MYLIP: variants seen among roughly 807,000 people sequenced by gnomAD.
The protein encoded by MYLIP is myosin regulatory light chain interacting protein, also known as E3 ubiquitin-protein ligase MYLIP.
A neutral mutation model predicts 45.8 loss-of-function variants in MYLIP; 26 were observed. That is an observed-to-expected ratio of 0.57 (90% CI 0.42 to 0.79). The LOEUF (loss-of-function observed/expected upper bound fraction) is 0.79. Ranked by LOEUF, MYLIP falls within the 30% of genes least tolerant of loss-of-function variation. The pLI, the probability that MYLIP is intolerant of heterozygous loss-of-function variation, is 0.00. For synonymous variants in MYLIP, 213 were observed against 218.1 expected (o/e 0.98, Z 0.21); for missense variants, 494 against 555.6 (o/e 0.89, Z 1.11).
In MYLIP at chr6:16,131,173, C is replaced by A. The variant is rs188511465; in HGVS notation, c.278+426C>A. 1.4e-3 allele frequency among the ~76,000 whole-genome samples: 216 copies of A among 152,268 alleles called. 4 individuals are homozygous for A. In the South Asian group the frequency reaches 0.018, roughly 13 times the overall value. The stretch of plus-strand genomic sequence containing the variant: ...TTCTAACAGAAAGCAGGAAACAGTT[C>A]CTCTTGGGTTACTTAAACTTGGTCA... On this transcript the variant is annotated intron_variant, in intron 2 of 6. Coordinates refer to ENST00000356840, the MANE Select transcript of MYLIP (RefSeq NM_013262.4).
the MYLIP span, among the ~76,000 whole-genome samples, chr6:16,153,820 G>A: frequency 5.9e-5 from 9 of 152,146 alleles, no homozygotes; most frequent in South Asian, 6.2e-4. Context: ...AATGGGACTC[G>A]GGTTACCTGT....
intron 6 of MYLIP, among the ~76,000 whole-genome samples, chr6:16,146,373 G>A (rs796550843): frequency 6.6e-5 from 10 of 152,340 alleles, no homozygotes; most frequent in South Asian, 2.1e-4. Context: ...ACAGAAAGAC[G>A]TCTTCAGTAA....
chr6:16,150,882 C>T (rs1759869678), downstream of MYLIP, among the ~76,000 whole-genome samples: 2 of 152,192 alleles, frequency 1.3e-5, no homozygotes, highest in South Asian at 2.1e-4. Context: ...AGGATGAGCT[C>T]GAATGCAACG....
chr6:16,133,292 T>C (rs1198785577), intron 2 of MYLIP, among the ~76,000 whole-genome samples: 2 of 152,240 alleles, frequency 1.3e-5, no homozygotes, highest in Non-Finnish European at 2.9e-5. Context: ...TTGTGTCCTC[T>C]TTATATTATT....
chr6:16,131,421 C>T (rs1193823743), intron 2 of MYLIP, among the ~76,000 whole-genome samples: 11 of 152,190 alleles, frequency 7.2e-5, no homozygotes, highest in Admixed American at 7.2e-4. Flanking sequence ...TGGTAGACAA[C>T]TGAAGCATGT....
the MYLIP span, among the ~76,000 whole-genome samples, chr6:16,159,440 G>T: frequency 6.6e-6 from 1 of 152,198 alleles, no homozygotes; most frequent in East Asian, 1.9e-4. Context: ...GTGGAACAGG[G>T]CTCAAAAGCT....
chr6:16,142,259 G>A (rs1381550074), intron 3 of MYLIP, among the ~76,000 whole-genome samples: 6 of 152,178 alleles, frequency 3.9e-5, no homozygotes, highest in Admixed American at 3.3e-4. Flanking sequence ...AAATTTGTTA[G>A]CCTTTTATTT....
At chr6:16,135,774 T>G (rs895364892) in intron 2 of MYLIP, among the ~76,000 whole-genome samples, 21 of 146,866 alleles carry the variant, frequency 1.4e-4, no homozygotes, top group Middle Eastern at 3.6e-3. Flanking sequence ...TATATATATA[T>G]ATATGTATGC....
chr6:16,148,453 T>C (rs74641795), downstream of MYLIP, among the ~76,000 whole-genome samples: 2,049 of 152,132 alleles, frequency 0.013, 42 homozygotes, highest in African/African-American at 0.046. Context: ...CTTTTTTTTT[T>C]TTTTTCAAGA....
the MYLIP span, among the ~76,000 whole-genome samples, chr6:16,156,879 A>G: frequency 2.6e-5 from 4 of 152,216 alleles, no homozygotes; most frequent in African/African-American, 9.6e-5. Context: ...CTTCCTGCGT[A>G]TGGACAAGCC....
chr6:16,136,610 G>T (rs1022234570), intron 2 of MYLIP, among the ~76,000 whole-genome samples: 3 of 152,078 alleles, frequency 2.0e-5, no homozygotes, highest in African/African-American at 7.2e-5. Flanking sequence ...TGGAATAGCT[G>T]GGTCATGGAG....
Position 16,130,695 on chromosome 6 carries a change from C to T in MYLIP, c.226C>T (p.Leu76Phe), listed in dbSNP as rs754805685. ...MDGLAPYRLKLRVKFFVEPHL... is the reference protein window; with the variant it reads ...MDGLAPYRLKFRVKFFVEPHL... ...TGGGCTAGCCCCTTACAGGCTTAAA[C>T]TTAGAGTCAAGTTCTTCGTGGAGCC... Residue 76 changes from leucine (L) to phenylalanine (F), a missense_variant, in exon 2 of 7, where the codon CTT becomes TTT. By Grantham distance (22) the Leu-to-Phe change is conservative (BLOSUM62 0). Coordinates refer to ENST00000356840, the MANE Select transcript of MYLIP (RefSeq NM_013262.4). 1 of 1,614,168 alleles carries T rather than the reference C, an allele frequency of 6.2e-7. No homozygotes were observed.
the MYLIP span, among the ~76,000 whole-genome samples, chr6:16,159,856 A>G: frequency 6.6e-6 from 1 of 152,216 alleles, no homozygotes; most frequent in Non-Finnish European, 1.5e-5. Flanking sequence ...GGCTACCACC[A>G]CGCAGCAACC....
Position 16,143,165 on chromosome 6 carries a change from G to A in MYLIP, c.610G>A (p.Val204Ile), listed in dbSNP as rs902959452. The A allele has an allele frequency of 3.1e-6, 5 of 1,614,202 alleles. No homozygotes were observed. The highest frequency in any genetic ancestry group is 4.2e-6 in the Non-Finnish European group (5 of 1,180,036). ...DSEGQKLLIG[V>I]GPEGISICKD... ...CGAAGGGCAGAAACTGCTCATTGGGGTTGGACCTGAAGGAATCTCAATTTG... is the reference window on the plus strand; with the variant it reads ...CGAAGGGCAGAAACTGCTCATTGGGATTGGACCTGAAGGAATCTCAATTTG... The change falls in exon 4 of 7, where the codon GTT (valine) becomes ATT (isoleucine). Residue 204 changes from valine (V) to isoleucine (I), a missense_variant. Val to Ile is a conservative substitution (Grantham distance 29, BLOSUM62 3). Transcript: ENST00000356840.
At chr6:16,156,460 G>A in the MYLIP span, among the ~76,000 whole-genome samples, 2 of 152,192 alleles carry the variant, frequency 1.3e-5, no homozygotes, top group Admixed American at 6.5e-5. Context: ...TGAAGGTGGT[G>A]GACTTCTTTC....
chr6:16,142,899 A>C, intron 3 of MYLIP, 121 bp from the exon 4 acceptor site: 2 of 1,005,782 alleles, frequency 2.0e-6, no homozygotes, highest in Non-Finnish European at 2.9e-6. Context: ...TCAGTAATAC[A>C]TAAGTTTTAA....
chr6:16,147,930 C>G lies in MYLIP; in HGVS notation c.*1179C>G, dbSNP rs1294397025. 1.3e-5 allele frequency: 2 copies of G among 152,574 alleles called. No individual in the cohort carries two copies. The highest frequency in any genetic ancestry group is 3.8e-4 in the East Asian group (2 of 5,206). The allele number at this position is 152,574 out of a possible 1,614,324, so 9.5% of individuals were successfully genotyped here. On this transcript the variant is annotated 3_prime_UTR_variant, in exon 7 of 7. Coordinates refer to ENST00000356840, the MANE Select transcript of MYLIP (RefSeq NM_013262.4). ...CAGGTTTTCTGGGATGTCGGGAGAC[C>G]TAGATGACCTTATCGGGTGCAATAC...
intron 6 of MYLIP, among the ~76,000 whole-genome samples, chr6:16,146,008 A>G (rs1299480483): frequency 6.6e-6 from 1 of 152,186 alleles, no homozygotes; most frequent in Non-Finnish European, 1.5e-5. Flanking sequence ...GTTCTAGATA[A>G]TACTTAGTCC....
Position 16,147,216 on chromosome 6 carries a change from A to C in MYLIP, c.*465A>C, listed in dbSNP as rs1372030689. ...TGGAGCTCCAACCATTTTTAATAGGAAAGTCTTTTGTAAATTGTTGTCGTT... is the reference window on the plus strand; with the variant it reads ...TGGAGCTCCAACCATTTTTAATAGGCAAGTCTTTTGTAAATTGTTGTCGTT... On this transcript the variant is annotated 3_prime_UTR_variant, in exon 7 of 7. Coordinates refer to ENST00000356840, the MANE Select transcript of MYLIP (RefSeq NM_013262.4). 2 of 154,336 alleles carry C rather than the reference A, an allele frequency of 1.3e-5. No individual in the cohort carries two copies. The highest frequency in any genetic ancestry group is 2.9e-5 in the Non-Finnish European group (2 of 69,088). 9.6% of individuals were successfully genotyped at this position (154,336 alleles called of 1,614,324 possible).
Sources: gnomAD v4.1 joint callset for allele counts (sites outside exome capture counted in the v4.1 genomes callset) on GRCh38, gnomAD v4.1.1 for gene constraint, MANE v1.5 for transcripts, NCBI Gene and HGNC (gene_info 2026-07-23, HGNC 2026-07-21) for gene names.